VPS13B: variants seen among roughly 807,000 people sequenced by gnomAD.
VPS13B encodes vacuolar protein sorting 13 homolog B, also known as intermembrane lipid transfer protein VPS13B.
VPS13B carries 285 observed loss-of-function variants against 426.4 expected under a neutral mutation model. The ratio of observed to expected loss-of-function variants is 0.67; its 90% CI spans 0.61 to 0.74. The LOEUF (loss-of-function observed/expected upper bound fraction) is 0.74, where lower values mean the gene tolerates loss of function less well. VPS13B is among the 30% of genes least tolerant of loss of function. VPS13B has a pLI of 0.00. For synonymous variants in VPS13B, 1,676 were observed against 1,676.4 expected (o/e 1.00, Z 0.01); for missense variants, 4,537 against 4,782.6 (o/e 0.95, Z 1.51).
intron 12 of VPS13B, among the ~76,000 whole-genome samples, chr8:99,142,438 A>C (rs555533537): frequency 6.6e-6 from 1 of 152,294 alleles, no homozygotes; most frequent in South Asian, 2.1e-4. Flanking sequence ...GGAGTCTAGG[A>C]AGTAGGATTC....
At chr8:99,227,465 C>T (rs755163294) in intron 17 of VPS13B, among the ~76,000 whole-genome samples, 1 of 152,080 alleles carries the variant, frequency 6.6e-6, no homozygotes, top group Non-Finnish European at 1.5e-5. Flanking sequence ...TAGGGAATGG[C>T]TTAATTACTT....
chr8:99,697,815 GC>G, intron 35 of VPS13B: 1 of 603,088 alleles, frequency 1.7e-6, no homozygotes, highest in South Asian at 1.5e-5. Flanking sequence ...ATTCCAGAAA[GC>G]AAGCTCACCA....
intron 16 of VPS13B, among the ~76,000 whole-genome samples, chr8:99,188,725 A>G (rs1813368585): frequency 6.6e-6 from 1 of 151,850 alleles, no homozygotes; most frequent in South Asian, 2.1e-4. Flanking sequence ...CATACTTGTT[A>G]TTTTCTGCTT....
intron 33 of VPS13B, among the ~76,000 whole-genome samples, chr8:99,580,471 G>A (rs1825995818): frequency 6.6e-6 from 1 of 151,778 alleles, no homozygotes; most frequent in Admixed American, 6.6e-5. Context: ...GGGATTACAG[G>A]TGTGAGCCAC....
chr8:99,436,392 C>CT (rs1407124118), intron 22 of VPS13B, among the ~76,000 whole-genome samples: 1 of 151,744 alleles, frequency 6.6e-6, no homozygotes, highest in Non-Finnish European at 1.5e-5. Flanking sequence ...CTCATTTTTC[C>CT]TTTTTTAATC....
chr8:99,233,283 G>T, intron 17 of VPS13B: 1 of 1,147,692 alleles, frequency 8.7e-7, no homozygotes, highest in Non-Finnish European at 1.3e-6. Flanking sequence ...CAATCACCCG[G>T]CCAGCTGTGG....
chr8:99,169,933 A>G (rs1421936473), intron 15 of VPS13B, 106 bp from the exon 16 acceptor site: 13 of 1,324,204 alleles, frequency 9.8e-6, no homozygotes, highest in African/African-American at 2.9e-5. Context: ...TTTGGAACAT[A>G]TTTAGTGTGC....
intron 15 of VPS13B, among the ~76,000 whole-genome samples, chr8:99,157,719 C>T (rs1453976672): frequency 6.6e-6 from 1 of 152,158 alleles, no homozygotes; most frequent in Middle Eastern, 3.2e-3. Flanking sequence ...ATGAAGAAGG[C>T]ATGTCAAAAG....
rs866313484 is a variant in VPS13B at position 99,877,097 on chromosome 8, G to C, written c.*1431G>C. On this transcript the variant is annotated 3_prime_UTR_variant, in exon 62 of 62. Coordinates refer to ENST00000357162, the MANE Select transcript of VPS13B (RefSeq NM_152564.5). ...GCTGGTCTCATACTCCTCAGTTCAC[G>C]CATTCCTCCCACCTCCACCTCCCAA... The C allele has an allele frequency of 1.3e-5, 2 of 152,106 alleles. No individual in the cohort carries two copies. Among genetic ancestry groups the C allele is most frequent in the African/African-American group, 4.8e-5 (2 of 41,400 alleles). The allele number at this position is 152,106 out of a possible 1,614,324, so 9.4% of individuals were successfully genotyped here. A position where few individuals can be genotyped will look rare whatever the true frequency, so the allele number is the denominator to read the frequency against.
intron 21 of VPS13B, 25 bp from the exon 22 acceptor site, chr8:99,431,512 A>G: frequency 6.2e-7 from 1 of 1,612,206 alleles, no homozygotes; most frequent in East Asian, 2.2e-5. Flanking sequence ...GTTTCTATTA[A>G]ATAATTAGCT....
intron 7 of VPS13B, chr8:99,119,233 T>G (rs963404894): frequency 1.4e-4 from 22 of 152,194 alleles, no homozygotes; most frequent in African/African-American, 5.1e-4. Context: ...AATTTTATTT[T>G]ACTTTATGTA....
At chr8:99,803,267 G>GT (rs566099441) in intron 43 of VPS13B, among the ~76,000 whole-genome samples, 67 of 152,220 alleles carry the variant, frequency 4.4e-4, no homozygotes, top group South Asian at 1.2e-3. Context: ...TCCCTCTATT[G>GT]TAAGAGGTTG....
rs750501572 is a variant in VPS13B, at chr8:99,442,441, G to A, written c.3251G>A (p.Ser1084Asn). ...TGTTGTGTGTTTATTCCAAATGATA[G>A]CCTGCCTTCCCCAAGTACAATTGTA... ...QSCCVFIPNDSLPSPSTIVSG... is the reference protein window; with the variant it reads ...QSCCVFIPNDNLPSPSTIVSG... Residue 1084 changes from serine (S) to asparagine (N), a missense_variant, in exon 23 of 62, where the codon AGC (serine) becomes AAC (asparagine). Around this residue, in one of 2 missense-constraint regions of VPS13B, gnomAD observed 4,311 missense variants for 4,474.3 expected, o/e 0.96. Transcript: ENST00000357162. The A allele has an allele frequency of 1.2e-6, 2 of 1,613,698 alleles. No individual in the cohort carries two copies. The highest frequency in any genetic ancestry group is 1.1e-5 in the South Asian group (1 of 91,076).
chr8:99,509,479 A>G (rs1261628305), intron 28 of VPS13B, among the ~76,000 whole-genome samples: 1 of 152,142 alleles, frequency 6.6e-6, no homozygotes, highest in Admixed American at 6.6e-5. Flanking sequence ...TAAAGTCTAA[A>G]TTAAAAGCAA....
chr8:99,258,561 A>G (rs1382264019), intron 17 of VPS13B, among the ~76,000 whole-genome samples: 1 of 152,028 alleles, frequency 6.6e-6, no homozygotes, highest in Middle Eastern at 3.2e-3. Context: ...TTAAAATTTT[A>G]TCTCAGCTTT....
intron 19 of VPS13B, among the ~76,000 whole-genome samples, chr8:99,278,899 A>G (rs1055922123): frequency 1.3e-5 from 2 of 152,216 alleles, no homozygotes; most frequent in Admixed American, 1.3e-4. Flanking sequence ...GAAGGCTCTT[A>G]TTAGAATACA....
chr8:99,598,532 A>T (rs1433287577), intron 33 of VPS13B, among the ~76,000 whole-genome samples: 2 of 152,078 alleles, frequency 1.3e-5, no homozygotes, highest in African/African-American at 4.8e-5. Flanking sequence ...GTAAAGACTA[A>T]CACATGCTCA....
intron 33 of VPS13B, among the ~76,000 whole-genome samples, chr8:99,632,890 A>G (rs1415481692): frequency 6.6e-6 from 1 of 152,012 alleles, no homozygotes; most frequent in East Asian, 1.9e-4. Context: ...CCATAAAATT[A>G]GTTAGGTAGT....
At chr8:99,117,212 A>G (rs186402155) in intron 7 of VPS13B, among the ~76,000 whole-genome samples, 1 of 152,324 alleles carries the variant, frequency 6.6e-6, no homozygotes, top group Non-Finnish European at 1.5e-5. Flanking sequence ...AGGTAAACAA[A>G]TAGCAAACAA....
Sources: allele counts gnomAD v4.1 joint callset (sites outside exome capture counted in the v4.1 genomes callset), GRCh38; gene constraint gnomAD v4.1.1; regional missense constraint gnomAD v4.1.1; transcripts MANE v1.5; gene names NCBI Gene and HGNC (gene_info 2026-07-23, HGNC 2026-07-21).